The following ESF1 variants were observed in gnomAD, a reference collection of about 807,000 sequenced individuals.
ESF1 encodes ESF1 nucleolar pre-rRNA processing protein, also known as ESF1 homolog.
Under a neutral mutation model 92.0 loss-of-function variants are expected in ESF1, and 58 were observed. That is an observed-to-expected ratio of 0.63 (90% CI 0.51 to 0.78). The LOEUF is 0.78. Among genes scored for constraint, ESF1 ranks in the 30% least tolerant of loss-of-function variants. The pLI is 0.00. For synonymous variants in ESF1, 321 were observed against 313.7 expected, an observed-to-expected ratio of 1.02 and a Z score of -0.24; for missense variants, 922 against 989.1, an observed-to-expected ratio of 0.93 and a Z score of 0.91.
chr20:13,719,327 C>T (rs142061145), intron 11 of ESF1, among the ~76,000 whole-genome samples: 153 of 152,112 alleles, frequency 1.0e-3, no homozygotes, highest in African/African-American at 3.4e-3. Flanking sequence ...ATTCAACATC[C>T]ATTCATAATA....
rs1555827872 is a variant in ESF1, at chr20:13,782,795, C to T, written c.346G>A (p.Glu116Lys). The T allele has an allele frequency of 6.0e-5, 97 of 1,604,004 alleles. No homozygotes were observed. Among genetic ancestry groups the T allele is most frequent in the Non-Finnish European group, 7.9e-5 (93 of 1,177,822 alleles). The change falls in exon 2 of 14, where the codon GAA (glutamate) becomes AAA (lysine). Residue 116 changes from glutamate (E) to lysine (K), a missense_variant. Transcript: ENST00000617257. ...CCCTTGTGATTAGCCTTCTTGGTTT[C>T]TTTCTTTTTCTCAACTAGATTTTTT... ...DSKNLVEKKK[E>K]TKKANHKGSE... is the part of the protein sequence containing the mutation.
At position 13,771,408 on chromosome 20, in the gene ESF1, A is replaced by G; in HGVS notation, c.1326T>C (p.Ser442=). The G allele has an allele frequency of 6.2e-7, 1 of 1,613,170 alleles. No individual in the cohort carries two copies. The highest frequency in any genetic ancestry group is 8.5e-7 in the Non-Finnish European group (1 of 1,179,422). The change falls in exon 6 of 14, where the codon TCT becomes TCC. Residue 442 remains serine, a synonymous_variant. Transcript: ENST00000617257. ...CATAAATTTTACTAGCTGTTTCCGG[A>G]GAATCACAGTCTACTACTGCATAAT... The part of the protein sequence containing the change: ...KYYYAVVDCD[S]PETASKIYED...
intron 9 of ESF1, among the ~76,000 whole-genome samples, chr20:13,741,055 C>T (rs757567617): frequency 6.6e-6 from 1 of 152,100 alleles, no homozygotes; most frequent in Non-Finnish European, 1.5e-5. Context: ...TCTATTTATG[C>T]CTTTTCTCCC....
intron 2 of ESF1, among the ~76,000 whole-genome samples, chr20:13,780,139 A>C (rs1980113415): frequency 6.6e-6 from 1 of 152,182 alleles, no homozygotes; most frequent in South Asian, 2.1e-4. Context: ...TACTGCAAGC[A>C]ATGTGGTGGG....
intron 5 of ESF1, 81 bp downstream of exon 5, chr20:13,772,429 AGTTTT>A: frequency 1.0e-6 from 1 of 988,064 alleles, no homozygotes; most frequent in Non-Finnish European, 1.6e-6. Context: ...TATAAACTTT[AGTTTT>A]AACTATTAAG....
At chr20:13,715,349 AC>A (rs1487694866) in intron 13 of ESF1, among the ~76,000 whole-genome samples, 182 bp from the exon 14 acceptor site, 2 of 152,074 alleles carry the variant, frequency 1.3e-5, no homozygotes, top group East Asian at 3.8e-4. Flanking sequence ...CTACCTTTGG[AC>A]CACAACTTGT....
intron 10 of ESF1, among the ~76,000 whole-genome samples, chr20:13,733,099 C>CTTTTTTTTTTTTTTTTTTTTTTTTTTTTT (rs1269943345): frequency 6.7e-6 from 1 of 148,830 alleles, no homozygotes. Flanking sequence ...CTAATTTTTG[C>CTTTTTTTTTTTTTTTTTTTTTTTTTTTTT]ATTTTTAGTA....
At chr20:13,760,421 G>A (rs1401741232) in intron 8 of ESF1, among the ~76,000 whole-genome samples, 1 of 150,542 alleles carries the variant, frequency 6.6e-6, no homozygotes, top group East Asian at 2.0e-4. Context: ...CGTCTGGGGT[G>A]TGAGGAGCGC....
intron 9 of ESF1, among the ~76,000 whole-genome samples, chr20:13,738,089 G>A (rs1278945774): frequency 6.6e-6 from 1 of 152,162 alleles, no homozygotes; most frequent in African/African-American, 2.4e-5. Flanking sequence ...CACATAACAG[G>A]GGTCACAGGA....
chr20:13,761,243 C>A (rs974579907), intron 8 of ESF1, among the ~76,000 whole-genome samples: 1 of 151,974 alleles, frequency 6.6e-6, no homozygotes, highest in Non-Finnish European at 1.5e-5. Flanking sequence ...ACAAACACTG[C>A]GGAAGGCCGC....
In ESF1 at chr20:13,728,370, T is replaced by G; in HGVS notation, c.2038+8A>C. On this transcript the variant is annotated splice_region_variant and intron_variant, in intron 11 of 13. Transcript: ENST00000617257. Reference sequence around the variant, plus strand: ...CCAGTTGAAAACTACAGATATGAGCTGGCTTACCTATTTGTTTAACTTCTT... The same window carrying G: ...CCAGTTGAAAACTACAGATATGAGCGGGCTTACCTATTTGTTTAACTTCTT... The G allele has an allele frequency of 6.2e-7, 1 of 1,601,770 alleles. No homozygotes were observed. The highest frequency in any genetic ancestry group is 8.5e-7 in the Non-Finnish European group (1 of 1,174,008).
At chr20:13,767,581 A>C (rs1241082822) in intron 7 of ESF1, among the ~76,000 whole-genome samples, 1 of 152,004 alleles carries the variant, frequency 6.6e-6, no homozygotes, top group African/African-American at 2.4e-5. Context: ...ATGTTTTTTC[A>C]CCTGGAGTTC....
At chr20:13,748,988 T>C (rs893584848) in intron 9 of ESF1, among the ~76,000 whole-genome samples, 1 of 152,136 alleles carries the variant, frequency 6.6e-6, no homozygotes, top group Non-Finnish European at 1.5e-5. Flanking sequence ...GATCCTAAAA[T>C]AAAATATATT....
intron 9 of ESF1, among the ~76,000 whole-genome samples, chr20:13,748,984 A>G (rs1978467084): frequency 6.6e-6 from 1 of 152,166 alleles, no homozygotes; most frequent in African/African-American, 2.4e-5. Flanking sequence ...ATGGGATCCT[A>G]AAATAAAATA....
At position 13,782,839 on chromosome 20, in the gene ESF1, G is replaced by A. The variant is rs1247004844; in HGVS notation, c.302C>T (p.Thr101Ile). The change falls in exon 2 of 14, where the codon ACT becomes ATT. Residue 101 changes from threonine (T) to isoleucine (I), a missense_variant. Physicochemically the swap from Thr to Ile is moderately conservative, Grantham distance 89 (BLOSUM62 -1). Transcript: ENST00000617257. Reference sequence around the variant, plus strand: ...ATTTTTTGAATCGATTTCTTTTTTAGTCTGGGTTTTTTTCTTCTTTATTTT... The same window carrying A: ...ATTTTTTGAATCGATTTCTTTTTTAATCTGGGTTTTTTTCTTCTTTATTTT... ...QKKIKKKKTQ[T>I]KKEIDSKNLV... 2 of 1,602,752 alleles carry A rather than the reference G, an allele frequency of 1.2e-6. No homozygotes were observed. Among genetic ancestry groups the A allele is most frequent in the East Asian group, 2.2e-5 (1 of 44,814 alleles).
chr20:13,748,589 TATA>T (rs1415818807), intron 9 of ESF1, among the ~76,000 whole-genome samples: 60 of 31,402 alleles, frequency 1.9e-3, no homozygotes, highest in East Asian at 6.5e-3. Flanking sequence ...TATATATATA[TATA>T]TTTTTTTTTT....
chr20:13,748,592 A>ATATATATATATATTTT (rs1331098586), intron 9 of ESF1, among the ~76,000 whole-genome samples: 3 of 95,722 alleles, frequency 3.1e-5, no homozygotes, highest in African/African-American at 1.9e-4. Context: ...ATATATATAT[A>ATATATATATATATTTT]TTTTTTTTTT....
chr20:13,767,529 C>CAA (rs34946385), intron 7 of ESF1, among the ~76,000 whole-genome samples: 26 of 115,190 alleles, frequency 2.3e-4, no homozygotes, highest in African/African-American at 3.2e-4. Flanking sequence ...AACTCTATCT[C>CAA]AAAAAAAAAA....
intron 9 of ESF1, among the ~76,000 whole-genome samples, chr20:13,752,356 C>T (rs1978677578): frequency 6.6e-6 from 1 of 152,198 alleles, no homozygotes; most frequent in Non-Finnish European, 1.5e-5. Flanking sequence ...ACCTGGTTTC[C>T]TCCCCACCAC....
Sources: gnomAD v4.1 joint callset for allele counts (sites outside exome capture counted in the v4.1 genomes callset) on GRCh38, gnomAD v4.1.1 for gene constraint, MANE v1.5 for transcripts, NCBI Gene and HGNC (gene_info 2026-07-23, HGNC 2026-07-21) for gene names.